The following ST8SIA2 variants were observed in gnomAD, a reference collection of about 807,000 sequenced individuals.
ST8SIA2 encodes ST8 alpha-N-acetyl-neuraminide alpha-2,8-sialyltransferase 2.
A neutral mutation model predicts 37.6 loss-of-function variants in ST8SIA2; 22 were observed. The ratio of observed to expected loss-of-function variants is 0.58; its 90% CI spans 0.42 to 0.83. The LOEUF is 0.83. Ranked by LOEUF, ST8SIA2 falls within the 40% of genes least tolerant of loss-of-function variation. The pLI is 0.00. For missense variants in ST8SIA2, 382 were observed against 484.7 expected (o/e 0.79, Z 1.99); for synonymous variants, 205 against 201.2 (o/e 1.02, Z -0.16).
Position 92,458,569 on chromosome 15 carries a change from C to T in ST8SIA2, c.843-5531C>T, listed in dbSNP as rs142065518. On this transcript the variant is annotated intron_variant, in intron 5 of 5. Transcript: ENST00000268164. ...TTCCCCTTCTGGAAAGCATCCCTTCCGTCTCTAAAATGACCATTCACTTCT... is the reference window on the plus strand; with the variant it reads ...TTCCCCTTCTGGAAAGCATCCCTTCTGTCTCTAAAATGACCATTCACTTCT... Among the ~76,000 whole-genome samples, 260 of 152,296 alleles carry T rather than the reference C, an allele frequency of 1.7e-3. 3 individuals are homozygous for T. The highest frequency in any genetic ancestry group is 5.7e-3 in the African/African-American group (236 of 41,556).
At chr15:92,410,757 A>C (rs1010412688) in intron 1 of ST8SIA2, among the ~76,000 whole-genome samples, 1 of 152,140 alleles carries the variant, frequency 6.6e-6, no homozygotes, top group Admixed American at 6.5e-5. Context: ...CAAAAATAAC[A>C]ATAGCGTGCT....
chr15:92,427,280 A>T (rs942927306), intron 1 of ST8SIA2, among the ~76,000 whole-genome samples: 1 of 144,046 alleles, frequency 6.9e-6, no homozygotes, highest in Non-Finnish European at 1.5e-5. Context: ...AAAAAAAAAA[A>T]GCAAAGATTA....
At chr15:92,395,684 C>T (rs1205294442) in intron 1 of ST8SIA2, among the ~76,000 whole-genome samples, 1 of 152,202 alleles carries the variant, frequency 6.6e-6, no homozygotes, top group Non-Finnish European at 1.5e-5. Flanking sequence ...GAAAGGAAAT[C>T]GGGCAAGTCA....
At position 92,393,976 on chromosome 15, in the gene ST8SIA2, C is replaced by G; in HGVS notation, c.-89C>G. The stretch of plus-strand genomic sequence containing the variant: ...AGGGTGTCTGCCCAGCTGCGCGCGG[C>G]GCGCGGAGGCTCCGGCGTCCGCCGC... On this transcript the variant is annotated 5_prime_UTR_variant, in exon 1 of 6. Coordinates refer to ENST00000268164, the MANE Select transcript of ST8SIA2 (RefSeq NM_006011.4). The G allele has an allele frequency of 1.2e-6, 1 of 861,336 alleles. No homozygotes were observed. Among genetic ancestry groups the G allele is most frequent in the Non-Finnish European group, 1.6e-6 (1 of 627,442 alleles). The allele number at this position is 861,336 out of a possible 1,614,324, so 53.4% of individuals were successfully genotyped here.
rs1193434231 is a variant in ST8SIA2 at position 92,446,129 on chromosome 15, G to T, written c.842+1200G>T. ...TAAGAATCTGAGAAGGGCTCACCTG[G>T]ATGGTTCTTAGGTCAGGTGCAGTCA... is the stretch of plus-strand genomic sequence containing the variant. On this transcript the variant is annotated intron_variant, in intron 5 of 5. Coordinates refer to ENST00000268164, the MANE Select transcript of ST8SIA2 (RefSeq NM_006011.4). Among the ~76,000 whole-genome samples the T allele has an allele frequency of 2.0e-5, 3 of 152,186 alleles. No homozygotes were observed. The East Asian group carries it at 5.8e-4, about 29-fold the overall frequency.
rs774359591 is a variant in ST8SIA2, at chr15:92,430,084, T to C, written c.134T>C (p.Val45Ala). The C allele has an allele frequency of 6.2e-7, 1 of 1,614,098 alleles. No homozygotes were observed. Among genetic ancestry groups the C allele is most frequent in the African/African-American group, 1.3e-5 (1 of 74,962 alleles). ...GGCAGAGGTACAATCAGATCAGCTG[T>C]GAACAGCTTACATAGCAAATCTAAT... ...SGGRGTIRSA[V>A]NSLHSKSNRA... The change falls in exon 2 of 6, where the codon GTG (valine) becomes GCG (alanine). Residue 45 changes from valine (V) to alanine (A), a missense_variant. Val to Ala is a moderately conservative substitution (Grantham distance 64). Transcript: ENST00000268164.
chr15:92,437,002 G>T (rs2049763725), intron 3 of ST8SIA2, among the ~76,000 whole-genome samples: 1 of 152,204 alleles, frequency 6.6e-6, no homozygotes, highest in Non-Finnish European at 1.5e-5. Context: ...CCAAGTGACT[G>T]AATGTGCAGC....
At chr15:92,449,961 A>G (rs2049870389) in intron 5 of ST8SIA2, among the ~76,000 whole-genome samples, 1 of 152,170 alleles carries the variant, frequency 6.6e-6, no homozygotes, top group African/African-American at 2.4e-5. Flanking sequence ...CTGCATTTTA[A>G]GCATTGTTAA....
At chr15:92,430,000 T>C (rs2049703447) in intron 1 of ST8SIA2, 49 bp from the exon 2 acceptor site, 2 of 1,605,902 alleles carry the variant, frequency 1.2e-6, no homozygotes, top group South Asian at 1.1e-5. Flanking sequence ...AAGAGGGCTT[T>C]GCAAAGATGA....
chr15:92,452,541 G>A (rs763037660), intron 5 of ST8SIA2, among the ~76,000 whole-genome samples: 7 of 152,220 alleles, frequency 4.6e-5, no homozygotes, highest in Non-Finnish European at 1.0e-4. Context: ...TGAGCTTAAT[G>A]TCAACACCAA....
At chr15:92,400,906 C>A (rs186741836) in intron 1 of ST8SIA2, among the ~76,000 whole-genome samples, 1 of 152,184 alleles carries the variant, frequency 6.6e-6, no homozygotes, top group Non-Finnish European at 1.5e-5. Context: ...GTGTTAGAGA[C>A]GTTGACAGTA....
rs1454771163 is a variant in ST8SIA2 at position 92,394,105 on chromosome 15, C to T, written c.41C>T (p.Thr14Met). 2 of 1,559,132 alleles carry T rather than the reference C, an allele frequency of 1.3e-6. No individual in the cohort carries two copies. Among genetic ancestry groups the T allele is most frequent in the Non-Finnish European group, 1.7e-6 (2 of 1,150,586 alleles). The part of the protein sequence containing the change: ...QFRSWMLAAL[T>M]LLVVFLIFAD... Reference sequence around the variant, plus strand: ...CGGAGCTGGATGCTGGCCGCGCTCACGCTGCTCGTGGTCTTCCTCATCTTC... The same window carrying T: ...CGGAGCTGGATGCTGGCCGCGCTCATGCTGCTCGTGGTCTTCCTCATCTTC... Residue 14 changes from threonine to methionine, a missense_variant, in exon 1 of 6, where the codon ACG (threonine) becomes ATG (methionine). Coordinates refer to ENST00000268164, the MANE Select transcript of ST8SIA2 (RefSeq NM_006011.4).
chr15:92,433,781 T>C (rs1462029424), intron 2 of ST8SIA2, among the ~76,000 whole-genome samples: 12 of 152,204 alleles, frequency 7.9e-5, no homozygotes, highest in Admixed American at 7.9e-4. Flanking sequence ...AAGAGAGTGA[T>C]GGGGCTGCCA....
At chr15:92,459,537 G>A (rs1265541306) in intron 5 of ST8SIA2, among the ~76,000 whole-genome samples, 4 of 152,216 alleles carry the variant, frequency 2.6e-5, no homozygotes, top group Non-Finnish European at 5.9e-5. Context: ...CAGTCTAGGA[G>A]GCCCATGCGT....
At chr15:92,413,005 T>C (rs1352780743) in intron 1 of ST8SIA2, among the ~76,000 whole-genome samples, 2 of 151,694 alleles carry the variant, frequency 1.3e-5, no homozygotes, top group African/African-American at 4.8e-5. Context: ...GGTAGGTGTT[T>C]ATAGCTCTGT....
chr15:92,464,013 G>T, intron 5 of ST8SIA2, 87 bp from the exon 6 acceptor site: 1 of 1,498,152 alleles, frequency 6.7e-7, no homozygotes, highest in Non-Finnish European at 8.9e-7. Context: ...GCAGGCTGCT[G>T]GGCAGGATAA....
At chr15:92,426,911 T>G (rs1476213791) in intron 1 of ST8SIA2, among the ~76,000 whole-genome samples, 1 of 152,124 alleles carries the variant, frequency 6.6e-6, no homozygotes, top group Non-Finnish European at 1.5e-5. Context: ...CTGGCCAACA[T>G]GGTGAAACCC....
chr15:92,454,597 G>C (rs987004110), intron 5 of ST8SIA2, among the ~76,000 whole-genome samples: 3 of 151,868 alleles, frequency 2.0e-5, no homozygotes, highest in Non-Finnish European at 4.4e-5. Flanking sequence ...CTGAGGCAGT[G>C]AGTAGGGAGA....
intron 5 of ST8SIA2, 107 bp from the exon 6 acceptor site, chr15:92,463,993 G>A (rs1186935073): frequency 5.5e-6 from 8 of 1,454,032 alleles, no homozygotes; most frequent in Non-Finnish European, 6.4e-6. Context: ...GGTCCCTGGA[G>A]TGGCAGAAGG....
Sources: gnomAD v4.1 joint callset for allele counts (sites outside exome capture counted in the v4.1 genomes callset) on GRCh38, gnomAD v4.1.1 for gene constraint, MANE v1.5 for transcripts, NCBI Gene and HGNC (gene_info 2026-07-23, HGNC 2026-07-21) for gene names.